Variants in ADGRA3 observed in about 807,000 individuals in gnomAD.
ADGRA3 encodes the protein adhesion G protein-coupled receptor A3.
ADGRA3 carries 56 observed loss-of-function variants against 119.8 expected under a neutral mutation model. The ratio of observed to expected loss-of-function variants is 0.47; its 90% CI spans 0.38 to 0.58. The LOEUF is 0.58. Ranked by LOEUF, ADGRA3 falls within the 20% of genes least tolerant of loss-of-function variation. ADGRA3 has a pLI of 0.00. For missense variants in ADGRA3, 1,516 were observed against 1,649.0 expected (o/e 0.92, Z 1.40); for synonymous variants, 607 against 623.8 (o/e 0.97, Z 0.40).
At chr4:22,471,168 C>A (rs1477660431) in intron 2 of ADGRA3, among the ~76,000 whole-genome samples, 1 of 152,134 alleles carries the variant, frequency 6.6e-6, no homozygotes, top group Admixed American at 6.5e-5. Flanking sequence ...AGCAGAGCAG[C>A]TAAGAGCCCA....
At chr4:22,396,586 C>T (rs1714364375) in intron 16 of ADGRA3, among the ~76,000 whole-genome samples, 1 of 152,168 alleles carries the variant, frequency 6.6e-6, no homozygotes. Context: ...GAATCCTAGA[C>T]TAGTCCTTTT....
chr4:22,493,760 T>C (rs1718710754), intron 1 of ADGRA3, among the ~76,000 whole-genome samples: 1 of 152,168 alleles, frequency 6.6e-6, no homozygotes, highest in Non-Finnish European at 1.5e-5. Flanking sequence ...GGCTAAGACC[T>C]ATTGGGCTGC....
chr4:22,430,492 T>A (rs1174887142), intron 10 of ADGRA3, among the ~76,000 whole-genome samples: 1 of 152,126 alleles, frequency 6.6e-6, no homozygotes, highest in African/African-American at 2.4e-5. Flanking sequence ...CTCTAGAGAT[T>A]TGTGGAAATT....
intron 12 of ADGRA3, among the ~76,000 whole-genome samples, chr4:22,417,889 T>C (rs115494255): frequency 5.6e-4 from 85 of 152,288 alleles, no homozygotes; most frequent in African/African-American, 2.0e-3. Context: ...GAAAAATTCA[T>C]GAGACTTCAG....
chr4:22,391,150 A>C (rs777240358), intron 17 of ADGRA3, among the ~76,000 whole-genome samples: 3 of 152,004 alleles, frequency 2.0e-5, no homozygotes, highest in Non-Finnish European at 2.9e-5. Context: ...GGGAGTTCCT[A>C]TTCATTATCA....
At chr4:22,485,351 G>A (rs747376386) in intron 1 of ADGRA3, among the ~76,000 whole-genome samples, 9 of 152,124 alleles carry the variant, frequency 5.9e-5, no homozygotes, top group Middle Eastern at 3.4e-3. Flanking sequence ...CACCATACCC[G>A]GCCCACACCA....
At chr4:22,476,070 G>A (rs1233426641) in intron 1 of ADGRA3, among the ~76,000 whole-genome samples, 2 of 152,074 alleles carry the variant, frequency 1.3e-5, no homozygotes, top group African/African-American at 4.8e-5. Context: ...TTCAATCATT[G>A]GAATGAAGAA....
intron 10 of ADGRA3, among the ~76,000 whole-genome samples, chr4:22,426,129 T>A (rs1293449627): frequency 6.6e-6 from 1 of 152,202 alleles, no homozygotes; most frequent in African/African-American, 2.4e-5. Context: ...TGGCCTCTCT[T>A]TTAAGATGAT....
chr4:22,398,634 C>G (rs149377946), intron 16 of ADGRA3, among the ~76,000 whole-genome samples: 1 of 151,102 alleles, frequency 6.6e-6, no homozygotes, highest in Non-Finnish European at 1.5e-5. Flanking sequence ...TGATTTTTAC[C>G]TTTATTAAAA....
At chr4:22,483,762 C>A (rs1410446378) in intron 1 of ADGRA3, among the ~76,000 whole-genome samples, 2 of 152,104 alleles carry the variant, frequency 1.3e-5, no homozygotes, top group African/African-American at 4.8e-5. Flanking sequence ...CACTATGATG[C>A]AGCACTGAAA....
intron 14 of ADGRA3, among the ~76,000 whole-genome samples, chr4:22,410,792 A>G (rs1012536028): frequency 8.5e-5 from 13 of 152,168 alleles, no homozygotes; most frequent in African/African-American, 2.9e-4. Context: ...AGTAACTTTA[A>G]TTTTGTCAAC....
intron 1 of ADGRA3, among the ~76,000 whole-genome samples, chr4:22,482,440 G>C (rs1054867413): frequency 1.3e-5 from 2 of 151,466 alleles, no homozygotes; most frequent in Non-Finnish European, 2.9e-5. Context: ...AGGACTGCTT[G>C]AGCCCAGGAG....
At chr4:22,399,629 C>T (rs1315682244) in intron 16 of ADGRA3, among the ~76,000 whole-genome samples, 6 of 152,008 alleles carry the variant, frequency 3.9e-5, no homozygotes, top group Non-Finnish European at 5.9e-5. Flanking sequence ...CTCTGTTGTA[C>T]ATCAAAGTTC....
intron 4 of ADGRA3, among the ~76,000 whole-genome samples, chr4:22,448,227 G>A (rs960868292): frequency 6.6e-6 from 1 of 152,118 alleles, no homozygotes; most frequent in East Asian, 1.9e-4. Flanking sequence ...GGGGGAGGAC[G>A]GCCTGTGTGT....
At chr4:22,414,044 A>G (rs1715332584) in intron 12 of ADGRA3, 1 of 382,550 alleles carries the variant, frequency 2.6e-6, no homozygotes, top group African/African-American at 2.1e-5. Context: ...AGAGTTAAAT[A>G]AGTAAACAAG....
In ADGRA3 at chr4:22,413,797, A is replaced by C. The variant is rs1436855311; in HGVS notation, c.1827T>G (p.Ala609=). The change falls in exon 13 of 19, where the codon GCT becomes GCG. Residue 609 remains alanine (A), a synonymous_variant. Coordinates refer to ENST00000334304, the MANE Select transcript of ADGRA3 (RefSeq NM_145290.4). Reference sequence around the variant, plus strand: ...AAAGGGAAGGAGGAAGCTGAATAGAAGCCTCCACAATAGTATTCTGAAAAA... The same window carrying C: ...AAAGGGAAGGAGGAAGCTGAATAGACGCCTCCACAATAGTATTCTGAAAAA... ...SLALKNTIVE[A]SIQLPPSLFS... The C allele has an allele frequency of 6.2e-7, 1 of 1,612,230 alleles. No homozygotes were observed. The highest frequency in any genetic ancestry group is 1.7e-5 in the Admixed American group (1 of 59,850).
chr4:22,443,807 C>G (rs1188547790), intron 6 of ADGRA3, among the ~76,000 whole-genome samples: 1 of 152,074 alleles, frequency 6.6e-6, no homozygotes, highest in Non-Finnish European at 1.5e-5. Context: ...CAGTCATGAA[C>G]ATAAACATGG....
chr4:22,423,513 G>A (rs1715800595), intron 11 of ADGRA3, among the ~76,000 whole-genome samples: 1 of 152,142 alleles, frequency 6.6e-6, no homozygotes, highest in African/African-American at 2.4e-5. Context: ...ATTATTTACT[G>A]TATTCACCAC....
chr4:22,456,168 G>C (rs1261682993), intron 3 of ADGRA3, among the ~76,000 whole-genome samples: 1 of 152,190 alleles, frequency 6.6e-6, no homozygotes, highest in Admixed American at 6.5e-5. Context: ...GTTTGAATCA[G>C]GTACCTAACT....
Sources: allele counts gnomAD v4.1 joint callset (sites outside exome capture counted in the v4.1 genomes callset), GRCh38; gene constraint gnomAD v4.1.1; transcripts MANE v1.5; gene names NCBI Gene and HGNC (gene_info 2026-07-23, HGNC 2026-07-21).